Variants in CATSPERG observed in about 807,000 individuals in gnomAD.
CATSPERG encodes the protein cation channel sperm-associated auxiliary subunit gamma.
Under a neutral mutation model 145.0 loss-of-function variants are expected in CATSPERG, and 115 were observed. The ratio of observed to expected loss-of-function variants is 0.79; its 90% CI spans 0.68 to 0.93. The LOEUF (loss-of-function observed/expected upper bound fraction) is 0.93. Ranked by LOEUF, CATSPERG falls within the 40% of genes least tolerant of loss-of-function variation. CATSPERG has a pLI of 0.00. For missense variants in CATSPERG, 1,296 were observed against 1,490.1 expected, an observed-to-expected ratio of 0.87 and a Z score of 2.14; for synonymous variants, 588 against 589.0, an observed-to-expected ratio of 1.00 and a Z score of 0.02.
intron 25 of CATSPERG, 21 bp downstream of exon 25, chr19:38,367,797 C>A (rs372300783): frequency 1.9e-6 from 3 of 1,604,538 alleles, no homozygotes; most frequent in Non-Finnish European, 2.6e-6. Context: ...TGGGGTCCCA[C>A]GTGTAATCCA....
chr19:38,346,339 G>A, intron 6 of CATSPERG, 111 bp from the exon 7 acceptor site: 6 of 1,017,464 alleles, frequency 5.9e-6, no homozygotes, highest in Non-Finnish European at 6.9e-6. Context: ...GAAGTGAGAA[G>A]GACAAATCGC....
intron 6 of CATSPERG, among the ~76,000 whole-genome samples, chr19:38,345,917 AACAC>A (rs1027292846): frequency 3.3e-5 from 5 of 152,222 alleles, no homozygotes; most frequent in Non-Finnish European, 7.3e-5. Context: ...CACAGCAGTG[AACAC>A]ACAGACCCAA....
rs1027756494 is a variant in CATSPERG at position 38,362,639 on chromosome 19, G to A, written c.2356+65G>A. 1.7e-5 allele frequency: 28 copies of A among 1,607,144 alleles called. 1 individual carries two copies. The African/African-American group carries it at 2.5e-4, about 15-fold the overall frequency. ...AGGGCTACCAGAATCTGGGAGCCTGGGGGGCGGGGACACCATCGGAGGGGC... is the reference window on the plus strand; with the variant it reads ...AGGGCTACCAGAATCTGGGAGCCTGAGGGGCGGGGACACCATCGGAGGGGC... On this transcript the variant is annotated intron_variant, in intron 19 of 28. Transcript: ENST00000409235.
chr19:38,367,784 C>T lies in CATSPERG; in HGVS notation c.2930+8C>T, dbSNP rs748191926. 5.6e-6 allele frequency: 9 copies of T among 1,612,166 alleles called. No individual in the cohort carries two copies. The highest frequency in any genetic ancestry group is 7.6e-6 in the Non-Finnish European group (9 of 1,178,278). On this transcript the variant is annotated splice_region_variant and intron_variant, in intron 25 of 28. Coordinates refer to ENST00000409235, the MANE Select transcript of CATSPERG (RefSeq NM_021185.5). ...CAACAGCCCCCTGGACAAGTAATCC[C>T]CGTGGGGTCCCACGTGTAATCCACC...
chr19:38,370,664 G>A lies in CATSPERG; in HGVS notation c.3352G>A (p.Ala1118Thr), dbSNP rs555054175. Residue 1118 changes from alanine to threonine, a missense_variant, in exon 29 of 29, where the codon GCC (alanine) becomes ACC (threonine). Physicochemically the swap from Ala to Thr is moderately conservative, Grantham distance 58. Coordinates refer to ENST00000409235, the MANE Select transcript of CATSPERG (RefSeq NM_021185.5). ...LIASESYYTY[A>T]SISGISSMPS... is the part of the protein sequence containing the mutation. ...TGCCTCAGAATCCTACTACACCTAC[G>A]CCTCCATTTCCGGAATCTCGAGCAT... The A allele has an allele frequency of 2.9e-5, 47 of 1,614,034 alleles. 2 individuals carry two copies. In the South Asian group the frequency reaches 3.1e-4, roughly 11 times the overall value.
At chr19:38,365,856 T>C (rs1289401722) in intron 22 of CATSPERG, 4 of 152,164 alleles carry the variant, frequency 2.6e-5, no homozygotes, top group African/African-American at 9.7e-5. Context: ...TACAGTTGCA[T>C]ACCACCATGC....
At position 38,346,477 on chromosome 19, in the gene CATSPERG, G is replaced by A; in HGVS notation, c.697G>A (p.Val233Met). ...CTTCAACCTGATGCCCCAGTACTTT[G>A]TGGGTGTCTCATCGAGGCCCTTGTG... ...ELFNLMPQYF[V>M]GVSSRPLWHT... Residue 233 changes from valine to methionine, a missense_variant, in exon 7 of 29, where the codon GTG becomes ATG. By Grantham distance (21) the Val-to-Met change is conservative (BLOSUM62 1). Coordinates refer to ENST00000409235, the MANE Select transcript of CATSPERG (RefSeq NM_021185.5). 1 of 1,550,038 alleles carries A rather than the reference G, an allele frequency of 6.5e-7. No homozygotes were observed.
In CATSPERG at chr19:38,369,994, C is replaced by A. The variant is rs779998011; in HGVS notation, c.3043C>A (p.Pro1015Thr). The A allele has an allele frequency of 1.9e-6, 3 of 1,614,200 alleles. No individual in the cohort carries two copies. In the East Asian group the frequency reaches 6.7e-5, roughly 36 times the overall value. ...CAGGTGGCTCTGTCTGGAGAATGCC[C>A]CATGCTATGACAATGTTCCCCAAGG... ...GIEWLCLENA[P>T]CYDNVPQGIF... Residue 1015 changes from proline to threonine, a missense_variant, in exon 27 of 29, where the codon CCA (proline) becomes ACA (threonine). Transcript: ENST00000409235.
At chr19:38,367,651 C>T (rs758760381) in intron 24 of CATSPERG, 30 bp from the exon 25 acceptor site, 16 of 1,612,452 alleles carry the variant, frequency 9.9e-6, no homozygotes, top group Non-Finnish European at 1.3e-5. Context: ...GACCCGGAGG[C>T]CAGTCTGTGT....
At position 38,361,849 on chromosome 19, in the gene CATSPERG, C is replaced by G. The variant is rs1211846364; in HGVS notation, c.2082C>G (p.Ser694=). The stretch of plus-strand genomic sequence containing the variant: ...TCTACTACCTGCTGTGGCTGCACTC[C>G]GTGTACGACAAGGTGGGCGTCCGGC... The part of the protein sequence containing the change: ...GLVYYLLWLH[S]VYDKPYADPV... Residue 694 remains serine, a synonymous_variant, in exon 17 of 29, where the codon TCC becomes TCG. Transcript: ENST00000409235. 2 of 1,608,454 alleles carry G rather than the reference C, an allele frequency of 1.2e-6. No homozygotes were observed. The highest frequency in any genetic ancestry group is 8.5e-7 in the Non-Finnish European group (1 of 1,177,584).
intron 26 of CATSPERG, among the ~76,000 whole-genome samples, chr19:38,368,837 AT>A (rs1174299347): frequency 1.3e-5 from 2 of 151,978 alleles, no homozygotes; most frequent in East Asian, 3.9e-4. Context: ...TAATTTTTGT[AT>A]TTTTAGTAGG....
intron 6 of CATSPERG, among the ~76,000 whole-genome samples, chr19:38,344,901 A>ATATTTTTTTT (rs1468159196): frequency 1.2e-5 from 1 of 80,008 alleles, no homozygotes; most frequent in African/African-American, 4.8e-5. Flanking sequence ...ATATATATAT[A>ATATTTTTTTT]TTTTTTTTTT....
chr19:38,360,316 G>T lies in CATSPERG; in HGVS notation c.1609-173G>T, dbSNP rs1284486589. On this transcript the variant is annotated intron_variant, in intron 14 of 28. Coordinates refer to ENST00000409235, the MANE Select transcript of CATSPERG (RefSeq NM_021185.5). ...ACCAGAGGTGATTGGGCTCAGGGAA[G>T]TAGAGCCGTGGCACCACAGAGAAAA... The T allele has an allele frequency of 4.1e-6, 4 of 985,250 alleles. No individual in the cohort carries two copies. In the African/African-American group the frequency reaches 7.0e-5, roughly 17 times the overall value. 61.0% of individuals were successfully genotyped at this position (985,250 alleles called of 1,614,324 possible). A position where few individuals can be genotyped will look rare whatever the true frequency, so the allele number is the denominator to read the frequency against.
chr19:38,367,373 C>A, intron 23 of CATSPERG, 61 bp downstream of exon 23: 1 of 1,577,650 alleles, frequency 6.3e-7, no homozygotes, highest in Non-Finnish European at 8.6e-7. Flanking sequence ...CTACTTTGTG[C>A]TCTCCCTCCC....
rs779222288 is a variant in CATSPERG at position 38,368,053 on chromosome 19, A to G, written c.2936A>G (p.Asn979Ser). 6.2e-7 allele frequency: 1 copy of G among 1,614,150 alleles called. No homozygotes were observed. The highest frequency in any genetic ancestry group is 1.3e-5 in the African/African-American group (1 of 75,058). The stretch of plus-strand genomic sequence containing the variant: ...GATGACCTGGGCCTGCACAGGACCA[A>G]CAGCCTTATCTGGACCACGAGGACC... Reference protein sequence around the residue: ...YRFNSPLDKTNSLIWTTRTTR... With the variant: ...YRFNSPLDKTSSLIWTTRTTR... The change falls in exon 26 of 29, where the codon AAC becomes AGC. Residue 979 changes from asparagine to serine, a missense_variant. Physicochemically the swap from Asn to Ser is conservative, Grantham distance 46. Transcript: ENST00000409235.
chr19:38,336,346 C>A (rs979219517), intron 1 of CATSPERG: 1 of 371,416 alleles, frequency 2.7e-6, no homozygotes, highest in Non-Finnish European at 5.5e-6. Context: ...AGGGGCGTTA[C>A]CAGAGGGCGG....
chr19:38,352,494 A>G, intron 8 of CATSPERG, 62 bp downstream of exon 8: 1 of 1,489,448 alleles, frequency 6.7e-7, no homozygotes, highest in Non-Finnish European at 9.1e-7. Context: ...CCTCCACTGA[A>G]GGTGGCTGGG....
rs1410276072 is a variant in CATSPERG, at chr19:38,349,653, TTTG to T, written c.826-2605_826-2603del. 23 of 145,328 alleles carry T rather than the reference TTTG, an allele frequency of 1.6e-4. No individual in the cohort carries two copies. The East Asian group carries it at 3.2e-3, about 20-fold the overall frequency. 9.0% of individuals were successfully genotyped at this position (145,328 alleles called of 1,614,324 possible). ...GACTGTTGCTCATTGTTTTTTTTTG[TTTG>T]TTTGTTTGTTTGTTTGTTTGTTTTT... is the stretch of plus-strand genomic sequence containing the variant. On this transcript the variant is annotated intron_variant, in intron 7 of 28. Coordinates refer to ENST00000409235, the MANE Select transcript of CATSPERG (RefSeq NM_021185.5).
intron 7 of CATSPERG, among the ~76,000 whole-genome samples, chr19:38,351,169 A>C (rs1970132687): frequency 6.6e-6 from 1 of 152,130 alleles, no homozygotes; most frequent in Non-Finnish European, 1.5e-5. Context: ...AAGCCAACAC[A>C]ATCACCATGC....
Sources: gnomAD v4.1 joint callset for allele counts (sites outside exome capture counted in the v4.1 genomes callset) on GRCh38, gnomAD v4.1.1 for gene constraint, MANE v1.5 for transcripts, NCBI Gene and HGNC (gene_info 2026-07-23, HGNC 2026-07-21) for gene names.